The following ARHGEF38 variants were observed in gnomAD, a reference collection of about 807,000 sequenced individuals.
ARHGEF38 encodes Rho guanine nucleotide exchange factor (GEF) 38.
ARHGEF38 carries 79 observed loss-of-function variants against 79.9 expected under a neutral mutation model. That is an observed-to-expected ratio of 0.99 (90% CI 0.82 to 1.19). ARHGEF38 has a LOEUF of 1.19. Ranked by LOEUF, ARHGEF38 falls within the 50% of genes most tolerant of loss-of-function variation. The probability of loss-of-function intolerance (pLI) is 0.00; values close to 1 mark genes in which losing one functional copy is unlikely to be tolerated. For synonymous variants in ARHGEF38, 366 were observed against 328.3 expected (o/e 1.11, Z -1.24); for missense variants, 962 against 907.2 (o/e 1.06, Z -0.78).
chr4:105,557,292 G>A (rs945686676), intron 1 of ARHGEF38, among the ~76,000 whole-genome samples: 7 of 151,866 alleles, frequency 4.6e-5, no homozygotes, highest in Non-Finnish European at 1.0e-4. Context: ...GTATGTGTTC[G>A]TGTGTGTACT....
At chr4:105,651,299 C>T (rs1374534) in intron 7 of ARHGEF38, among the ~76,000 whole-genome samples, 19,492 of 152,114 alleles carry the variant, frequency 0.13, 1,365 homozygotes, top group Non-Finnish European at 0.16. Flanking sequence ...ATAGGCTGGA[C>T]GGGAAAAGAG....
At chr4:105,637,969 G>A (rs1331395366) in intron 5 of ARHGEF38, among the ~76,000 whole-genome samples, 2 of 152,082 alleles carry the variant, frequency 1.3e-5, no homozygotes, top group African/African-American at 4.8e-5. Context: ...GCATGTGGCT[G>A]GATGCACATC....
intron 3 of ARHGEF38, among the ~76,000 whole-genome samples, chr4:105,621,640 G>T (rs1223143052): frequency 2.0e-5 from 3 of 152,212 alleles, no homozygotes; most frequent in African/African-American, 7.2e-5. Flanking sequence ...CAGTGAGTTT[G>T]TGAGAAGAGT....
chr4:105,588,647 A>C (rs1206661060), intron 1 of ARHGEF38, among the ~76,000 whole-genome samples: 2 of 152,254 alleles, frequency 1.3e-5, no homozygotes, highest in Non-Finnish European at 2.9e-5. Flanking sequence ...TTGAAATAAC[A>C]AGATATGCTT....
chr4:105,618,049 G>A (rs1728580630), intron 3 of ARHGEF38, among the ~76,000 whole-genome samples: 1 of 151,942 alleles, frequency 6.6e-6, no homozygotes, highest in Non-Finnish European at 1.5e-5. Context: ...AATTCAAATG[G>A]AAGCAAAAAG....
intron 3 of ARHGEF38, among the ~76,000 whole-genome samples, chr4:105,621,020 G>A (rs1292545963): frequency 1.3e-5 from 2 of 152,224 alleles, no homozygotes; most frequent in African/African-American, 4.8e-5. Flanking sequence ...CAGCAGATGA[G>A]ACTATGTAGA....
At chr4:105,579,562 T>C (rs193237306) in intron 1 of ARHGEF38, among the ~76,000 whole-genome samples, 1 of 152,346 alleles carries the variant, frequency 6.6e-6, no homozygotes, top group Non-Finnish European at 1.5e-5. Context: ...GAACCATCCT[T>C]GCATCCCAGG....
chr4:105,592,043 A>G (rs922561619), intron 2 of ARHGEF38, among the ~76,000 whole-genome samples: 2 of 152,236 alleles, frequency 1.3e-5, no homozygotes, highest in Non-Finnish European at 2.9e-5. Context: ...TTAAATGCAC[A>G]TAGCATCAGA....
chr4:105,552,782 C>T lies in ARHGEF38; in HGVS notation c.17C>T (p.Ala6Val). Residue 6 changes from alanine (A) to valine (V), a missense_variant, in exon 1 of 14, where the codon GCC (alanine) becomes GTC (valine). Transcript: ENST00000420470. ...TTGCCTAATATGGAGCCCAAAGAAG[C>T]CACTGGGAAAGAAAACATGGTCACC... MEPKE[A>V]TGKENMVTKK... 1.2e-6 allele frequency: 2 copies of T among 1,609,888 alleles called. No individual in the cohort carries two copies. The highest frequency in any genetic ancestry group is 1.7e-6 in the Non-Finnish European group (2 of 1,178,572).
At chr4:105,631,358 A>C (rs1194229209) in intron 4 of ARHGEF38, 30 of 1,019,760 alleles carry the variant, frequency 2.9e-5, no homozygotes, top group African/African-American at 3.4e-5. Flanking sequence ...GCCTGGCCCC[A>C]CGTAGTTCAA....
chr4:105,616,299 G>A (rs968564910), intron 3 of ARHGEF38, among the ~76,000 whole-genome samples: 5 of 152,040 alleles, frequency 3.3e-5, no homozygotes, highest in Non-Finnish European at 7.4e-5. Flanking sequence ...CTGCTATAAA[G>A]AACTACCTGA....
chr4:105,670,073 T>C (rs1208800821), intron 13 of ARHGEF38, among the ~76,000 whole-genome samples: 1 of 152,226 alleles, frequency 6.6e-6, no homozygotes, highest in Non-Finnish European at 1.5e-5. Context: ...TTTGGGGCTA[T>C]TGTGAATTAT....
At chr4:105,639,312 C>T (rs1380625552) in intron 5 of ARHGEF38, among the ~76,000 whole-genome samples, 1 of 151,530 alleles carries the variant, frequency 6.6e-6, no homozygotes, top group Non-Finnish European at 1.5e-5. Flanking sequence ...ATAATTTTTC[C>T]AGTTTATCAT....
chr4:105,659,374 A>G lies in ARHGEF38; in HGVS notation c.1545+9A>G. 3 of 1,530,218 alleles carry G rather than the reference A, an allele frequency of 2.0e-6. No homozygotes were observed. The highest frequency in any genetic ancestry group is 2.6e-6 in the Non-Finnish European group (3 of 1,144,098). 94.8% of individuals were successfully genotyped at this position (1,530,218 alleles called of 1,614,324 possible). A position where few individuals can be genotyped will look rare whatever the true frequency, so the allele number is the denominator to read the frequency against. On this transcript the variant is annotated intron_variant, in intron 10 of 13. Transcript: ENST00000420470. ...ACTCCACACTTGTGCCGGTAAGCAC[A>G]GCACCAACACCTAGCTAGCTACCTT...
rs1731245143 is a variant in ARHGEF38, at chr4:105,679,720, T to C, written c.*1783T>C. The C allele has an allele frequency of 2.4e-6, 2 of 817,364 alleles. No individual in the cohort carries two copies. Among genetic ancestry groups the C allele is most frequent in the African/African-American group, 1.7e-5 (1 of 59,084 alleles). The allele number at this position is 817,364 out of a possible 1,614,324, so 50.6% of individuals were successfully genotyped here. ...TACACATTTAAAAGTAATTTGTGTT[T>C]TTTGTTCCACATGTCTTAGTTGACC... On this transcript the variant is annotated 3_prime_UTR_variant, in exon 14 of 14. Transcript: ENST00000420470.
At chr4:105,653,063 G>T (rs540304580) in intron 7 of ARHGEF38, among the ~76,000 whole-genome samples, 1 of 152,086 alleles carries the variant, frequency 6.6e-6, no homozygotes, top group African/African-American at 2.4e-5. Context: ...GGCTGGTTCC[G>T]ATCTTGTTTT....
intron 3 of ARHGEF38, among the ~76,000 whole-genome samples, chr4:105,621,550 A>G (rs1026230994): frequency 1.3e-5 from 2 of 152,162 alleles, no homozygotes; most frequent in Admixed American, 6.5e-5. Flanking sequence ...TAGGTGATGC[A>G]CTGTTGTTCT....
chr4:105,562,756 A>C (rs749637681), intron 1 of ARHGEF38, among the ~76,000 whole-genome samples: 1 of 152,214 alleles, frequency 6.6e-6, no homozygotes, highest in Non-Finnish European at 1.5e-5. Context: ...CCTGAAGTAT[A>C]CTGCAAATTG....
chr4:105,558,930 C>A (rs1387954339), intron 1 of ARHGEF38, among the ~76,000 whole-genome samples: 5 of 150,168 alleles, frequency 3.3e-5, no homozygotes, highest in Non-Finnish European at 7.4e-5. Flanking sequence ...AGACAGAAAC[C>A]AAGCAAGCAG....
Sources: allele counts gnomAD v4.1 joint callset (sites outside exome capture counted in the v4.1 genomes callset), GRCh38; gene constraint gnomAD v4.1.1; transcripts MANE v1.5; gene names NCBI Gene and HGNC (gene_info 2026-07-23, HGNC 2026-07-21).